The following FBXL4 variants were observed in gnomAD, a reference collection of about 807,000 sequenced individuals.
FBXL4 encodes F-box/LRR-repeat protein 4.
In FBXL4, 40 loss-of-function variants were observed where a neutral mutation model predicts 58.9. That is an observed-to-expected ratio of 0.68 (90% CI 0.53 to 0.88). The LOEUF (loss-of-function observed/expected upper bound fraction) is 0.88. Among genes scored for constraint, FBXL4 ranks in the 40% least tolerant of loss-of-function variants. The probability of loss-of-function intolerance (pLI) is 0.00; values close to 1 mark genes in which losing one functional copy is unlikely to be tolerated. For missense variants in FBXL4, 676 were observed against 734.4 expected (o/e 0.92, Z 0.92); for synonymous variants, 263 against 265.5 (o/e 0.99, Z 0.09).
intron 7 of FBXL4, among the ~76,000 whole-genome samples, chr6:98,884,309 C>T (rs1770955736): frequency 6.6e-6 from 1 of 152,028 alleles, no homozygotes; most frequent in South Asian, 2.1e-4. Flanking sequence ...GAACAGTTAA[C>T]CTATAAGGTA....
chr6:98,902,071 A>G (rs1379316849), intron 6 of FBXL4, among the ~76,000 whole-genome samples: 2 of 152,208 alleles, frequency 1.3e-5, no homozygotes, highest in Non-Finnish European at 2.9e-5. Context: ...AATTTACTAA[A>G]TGGTAACTTG....
At chr6:98,908,844 T>C (rs1440277455) in intron 5 of FBXL4, among the ~76,000 whole-genome samples, 2 of 152,192 alleles carry the variant, frequency 1.3e-5, no homozygotes, top group Non-Finnish European at 2.9e-5. Context: ...TATATGCTAT[T>C]TCTCCCATAT....
At chr6:98,905,742 T>A in intron 5 of FBXL4, 72 bp from the exon 6 acceptor site, 1 of 1,438,378 alleles carries the variant, frequency 7.0e-7, no homozygotes, top group East Asian at 2.3e-5. Context: ...TATAACATAA[T>A]CTAATAAGGA....
intron 7 of FBXL4, among the ~76,000 whole-genome samples, chr6:98,890,065 T>C (rs1455597072): frequency 1.3e-5 from 2 of 152,224 alleles, no homozygotes; most frequent in Non-Finnish European, 2.9e-5. Flanking sequence ...TACTGAGACC[T>C]TGTATAATCA....
At chr6:98,946,710 T>G (rs1161115710) in intron 1 of FBXL4, among the ~76,000 whole-genome samples, 1 of 152,148 alleles carries the variant, frequency 6.6e-6, no homozygotes, top group African/African-American at 2.4e-5. Flanking sequence ...GCGCAGAAGT[T>G]TAAAACAAAG....
chr6:98,927,613 G>A (rs988099043), intron 3 of FBXL4, 92 bp downstream of exon 3: 7 of 152,388 alleles, frequency 4.6e-5, no homozygotes, highest in African/African-American at 1.7e-4. Flanking sequence ...ACAGATCAGT[G>A]TTTAATTTAT....
rs888836062 is a variant in FBXL4 at position 98,911,398 on chromosome 6, G to C, written c.859-5728C>G. 5.3e-5 allele frequency among the ~76,000 whole-genome samples: 8 copies of C among 152,302 alleles called. No individual in the cohort carries two copies. The South Asian group carries it at 6.2e-4, about 12-fold the overall frequency. Reference sequence around the variant, plus strand: ...CTCCTCAAGTGGGTCCCTGACCCCTGACCCCCAAGCAGCCTAACTGGGAGG... The same window carrying C: ...CTCCTCAAGTGGGTCCCTGACCCCTCACCCCCAAGCAGCCTAACTGGGAGG... On this transcript the variant is annotated intron_variant, in intron 5 of 9. Transcript: ENST00000369244.
At chr6:98,917,306 A>C (rs1772396192) in intron 5 of FBXL4, 68 bp downstream of exon 5, 1 of 1,071,740 alleles carries the variant, frequency 9.3e-7, no homozygotes, top group Non-Finnish European at 1.3e-6. Context: ...CTCAGTAAAC[A>C]TTAATATCTA....
chr6:98,932,176 A>C (rs1773038373), intron 2 of FBXL4, among the ~76,000 whole-genome samples: 1 of 152,178 alleles, frequency 6.6e-6, no homozygotes, highest in African/African-American at 2.4e-5. Context: ...CAACATATAA[A>C]AATATTATTT....
chr6:98,881,556 A>C (rs891943305), intron 7 of FBXL4, among the ~76,000 whole-genome samples: 1 of 152,256 alleles, frequency 6.6e-6, no homozygotes, highest in South Asian at 2.1e-4. Flanking sequence ...GGAAAGGTGA[A>C]GAATGTGTCA....
intron 7 of FBXL4, among the ~76,000 whole-genome samples, chr6:98,887,666 T>C (rs1771086021): frequency 6.7e-6 from 1 of 149,998 alleles, no homozygotes; most frequent in Admixed American, 6.6e-5. Flanking sequence ...AAAAGAGATT[T>C]ATGTTGAATG....
rs1200792957 is a variant in FBXL4 at position 98,947,898 on chromosome 6, C to G, written c.-401G>C. The G allele has an allele frequency of 1.3e-5, 2 of 151,674 alleles. No individual in the cohort carries two copies. The highest frequency in any genetic ancestry group is 2.9e-5 in the Non-Finnish European group (2 of 67,886). 9.4% of individuals were successfully genotyped at this position (151,674 alleles called of 1,614,324 possible). On this transcript the variant is annotated 5_prime_UTR_variant, in exon 1 of 10. Transcript: ENST00000369244. Reference sequence around the variant, plus strand: ...GGTGCGGGGGCGGCTCCCCGACTCTCTAGATGCGGCACAACCGCCGCAAGC... The same window carrying G: ...GGTGCGGGGGCGGCTCCCCGACTCTGTAGATGCGGCACAACCGCCGCAAGC...
At chr6:98,906,484 C>T (rs1771818524) in intron 5 of FBXL4, among the ~76,000 whole-genome samples, 1 of 152,248 alleles carries the variant, frequency 6.6e-6, no homozygotes, top group East Asian at 1.9e-4. Flanking sequence ...ATCCATGTCC[C>T]TGCAAAGGAC....
At chr6:98,909,591 A>G (rs1334810092) in intron 5 of FBXL4, among the ~76,000 whole-genome samples, 1 of 152,226 alleles carries the variant, frequency 6.6e-6, no homozygotes, top group African/African-American at 2.4e-5. Context: ...TGCTGAAATT[A>G]TATTTCTATT....
chr6:98,945,767 A>G (rs1773598474), intron 1 of FBXL4, among the ~76,000 whole-genome samples: 1 of 152,156 alleles, frequency 6.6e-6, no homozygotes, highest in Admixed American at 6.5e-5. Flanking sequence ...CCTAAATCAC[A>G]GGTGATGGGG....
intron 5 of FBXL4, among the ~76,000 whole-genome samples, chr6:98,910,687 G>A (rs186411277): frequency 6.6e-6 from 1 of 151,890 alleles, no homozygotes; most frequent in South Asian, 2.1e-4. Flanking sequence ...AAAGTATTGT[G>A]GGGGGAGGAG....
At chr6:98,913,534 T>G (rs1464472690) in intron 5 of FBXL4, among the ~76,000 whole-genome samples, 1 of 152,064 alleles carries the variant, frequency 6.6e-6, no homozygotes. Context: ...CTCAACTACA[T>G]GGAAACTGAA....
At chr6:98,896,938 A>G in intron 7 of FBXL4, 1 of 985,076 alleles carries the variant, frequency 1.0e-6, no homozygotes, top group Middle Eastern at 5.2e-4. Context: ...AAATTTAAGA[A>G]AACTGTAGAC....
At chr6:98,926,429 C>A (rs770044110) in intron 4 of FBXL4, 48 bp downstream of exon 4, 54 of 1,507,122 alleles carry the variant, frequency 3.6e-5, no homozygotes, top group Non-Finnish European at 4.8e-5. Flanking sequence ...TATTAACAAC[C>A]AAAACCTTTC....
Sources: allele counts gnomAD v4.1 joint callset (sites outside exome capture counted in the v4.1 genomes callset), GRCh38; gene constraint gnomAD v4.1.1; transcripts MANE v1.5; gene names NCBI Gene and HGNC (gene_info 2026-07-23, HGNC 2026-07-21).